Variants in GPR158 observed in about 807,000 individuals in gnomAD.
GPR158 encodes the protein G protein-coupled receptor 158.
A neutral mutation model predicts 78.2 loss-of-function variants in GPR158; 30 were observed. The ratio of observed to expected loss-of-function variants is 0.38; its 90% CI spans 0.29 to 0.52. GPR158 has a LOEUF of 0.52. GPR158 is among the 20% of genes least tolerant of loss of function. The pLI, the probability that GPR158 is intolerant of heterozygous loss-of-function variation, is 0.83. For synonymous variants in GPR158, 581 were observed against 591.1 expected (o/e 0.98, Z 0.25); for missense variants, 1,463 against 1,523.5 (o/e 0.96, Z 0.66).
intron 4 of GPR158, among the ~76,000 whole-genome samples, chr10:25,448,185 C>T (rs1359422068): frequency 2.0e-5 from 3 of 150,426 alleles, no homozygotes; most frequent in South Asian, 2.1e-4. Context: ...CCCAGGTTCA[C>T]GCCATTCTCC....
intron 5 of GPR158, among the ~76,000 whole-genome samples, chr10:25,537,884 G>T (rs926650595): frequency 6.6e-6 from 1 of 152,066 alleles, no homozygotes; most frequent in African/African-American, 2.4e-5. Context: ...TATGGTGATT[G>T]TAAGTTTCCT....
chr10:25,230,003 T>C (rs146187190), intron 2 of GPR158, among the ~76,000 whole-genome samples: 1 of 152,302 alleles, frequency 6.6e-6, no homozygotes, highest in East Asian at 1.9e-4. Context: ...GTTATGGTCG[T>C]TTGTTATAGG....
At chr10:25,468,309 T>A (rs12770880) in intron 5 of GPR158, among the ~76,000 whole-genome samples, 22,292 of 152,180 alleles carry the variant, frequency 0.15, 1,826 homozygotes, top group African/African-American at 0.2. Context: ...CATGTCTGGC[T>A]ATCTGCCTAC....
chr10:25,280,516 C>T lies in GPR158; in HGVS notation c.1008+59359C>T, dbSNP rs547767039. 9.9e-5 allele frequency among the ~76,000 whole-genome samples: 15 copies of T among 152,218 alleles called. No individual in the cohort carries two copies. The South Asian group carries it at 3.1e-3, about 32-fold the overall frequency. On this transcript the variant is annotated intron_variant, in intron 2 of 10. Coordinates refer to ENST00000376351, the MANE Select transcript of GPR158 (RefSeq NM_020752.3). ...CTTGGAGAAATTGACAAACTTACCA[C>T]AAAAGCAGAAGCTATGAAAAATTGT...
intron 7 of GPR158, among the ~76,000 whole-genome samples, chr10:25,584,431 A>C (rs1039608204): frequency 3.3e-5 from 5 of 152,188 alleles, no homozygotes; most frequent in African/African-American, 1.2e-4. Context: ...TTGCTAATGA[A>C]ATGATTTTAA....
intron 5 of GPR158, among the ~76,000 whole-genome samples, chr10:25,510,474 C>T (rs1259211368): frequency 6.6e-6 from 1 of 152,070 alleles, no homozygotes; most frequent in Non-Finnish European, 1.5e-5. Flanking sequence ...TATTTGGCAG[C>T]TTAGCCCAGT....
chr10:25,196,137 A>G (rs1422786340), intron 1 of GPR158, among the ~76,000 whole-genome samples: 2 of 151,870 alleles, frequency 1.3e-5, no homozygotes, highest in Admixed American at 6.6e-5. Flanking sequence ...ATTTTCTGCT[A>G]TCCAGTTTCT....
intron 6 of GPR158, among the ~76,000 whole-genome samples, chr10:25,558,137 T>C (rs755756655): frequency 1.1e-4 from 16 of 152,264 alleles, no homozygotes; most frequent in Non-Finnish European, 1.5e-4. Flanking sequence ...GGTTAAAATA[T>C]GTAGTTTAAG....
chr10:25,208,359 T>G (rs1853075165), intron 1 of GPR158, among the ~76,000 whole-genome samples: 2 of 152,190 alleles, frequency 1.3e-5, no homozygotes, highest in Admixed American at 6.5e-5. Flanking sequence ...AGCGTTATAA[T>G]TGAAAGAGAA....
chr10:25,192,931 A>G (rs756733529), intron 1 of GPR158, among the ~76,000 whole-genome samples: 11 of 152,208 alleles, frequency 7.2e-5, no homozygotes, highest in Non-Finnish European at 1.5e-4. Flanking sequence ...ATTTTGCCCA[A>G]CTGTGGGCTA....
At chr10:25,300,955 CATTG>C (rs1350303229) in intron 2 of GPR158, among the ~76,000 whole-genome samples, 3 of 152,108 alleles carry the variant, frequency 2.0e-5, no homozygotes, top group Non-Finnish European at 4.4e-5. Context: ...ATCACTACTT[CATTG>C]ATTGATGTTT....
At position 25,385,686 on chromosome 10, in the gene GPR158, T is replaced by A. The variant is rs1420208009; in HGVS notation, c.1009-10225T>A. On this transcript the variant is annotated intron_variant, in intron 2 of 10. Transcript: ENST00000376351. ...CTAATGGAGGTGGGATAATATCTCGTTGTGGTTTTGATTTGCATTTCTCTA... is the reference window on the plus strand; with the variant it reads ...CTAATGGAGGTGGGATAATATCTCGATGTGGTTTTGATTTGCATTTCTCTA... 2.6e-5 allele frequency among the ~76,000 whole-genome samples: 4 copies of A among 152,164 alleles called. No individual in the cohort carries two copies. The East Asian group carries it at 7.7e-4, about 29-fold the overall frequency.
intron 4 of GPR158, among the ~76,000 whole-genome samples, chr10:25,440,793 A>G (rs906088716): frequency 1.3e-5 from 2 of 152,180 alleles, no homozygotes; most frequent in Non-Finnish European, 2.9e-5. Flanking sequence ...ATGTAAGTAT[A>G]GTACTGTTTT....
intron 2 of GPR158, among the ~76,000 whole-genome samples, chr10:25,383,923 G>C (rs1834189107): frequency 6.6e-6 from 1 of 152,200 alleles, no homozygotes; most frequent in East Asian, 1.9e-4. Context: ...TGCTAGCTGT[G>C]TGGTTTTGGG....
chr10:25,433,299 G>T (rs887353900), intron 4 of GPR158, among the ~76,000 whole-genome samples: 1 of 149,934 alleles, frequency 6.7e-6, no homozygotes, highest in African/African-American at 2.5e-5. Context: ...CTAGGCCTGC[G>T]TAAATTCTTT....
chr10:25,360,512 T>C (rs913984242), intron 2 of GPR158, among the ~76,000 whole-genome samples: 5 of 152,044 alleles, frequency 3.3e-5, no homozygotes, highest in Admixed American at 2.6e-4. Flanking sequence ...TAGGGAATCC[T>C]TTCCCCATTG....
chr10:25,387,517 T>A (rs1303930029), intron 2 of GPR158, among the ~76,000 whole-genome samples: 2 of 3,704 alleles, frequency 5.4e-4, no homozygotes, highest in Admixed American at 2.1e-3. Flanking sequence ...TCTCTTCAAA[T>A]TTTTTTTTTT....
chr10:25,268,758 C>G (rs1275008960), intron 2 of GPR158, among the ~76,000 whole-genome samples: 3 of 152,112 alleles, frequency 2.0e-5, no homozygotes, highest in East Asian at 3.9e-4. Flanking sequence ...ATGCAGTAAC[C>G]AAGCTGCCAA....
intron 1 of GPR158, among the ~76,000 whole-genome samples, chr10:25,181,727 TC>T (rs1811934208): frequency 6.6e-6 from 1 of 152,188 alleles, no homozygotes; most frequent in African/African-American, 2.4e-5. Context: ...TTTATTTATT[TC>T]TTTTTTTGAG....
Sources: allele counts gnomAD v4.1 joint callset (sites outside exome capture counted in the v4.1 genomes callset), GRCh38; gene constraint gnomAD v4.1.1; transcripts MANE v1.5; gene names NCBI Gene and HGNC (gene_info 2026-07-23, HGNC 2026-07-21).